SLC2A13: variants seen among roughly 807,000 people sequenced by gnomAD.
SLC2A13 encodes proton myo-inositol cotransporter.
In SLC2A13, 32 loss-of-function variants were observed where a neutral mutation model predicts 64.4. The observed-to-expected ratio is 0.50, with a 90% CI of 0.37 to 0.67. The LOEUF is 0.67. SLC2A13 is among the 30% of genes least tolerant of loss of function. The probability of loss-of-function intolerance (pLI) is 0.00; values close to 1 mark genes in which losing one functional copy is unlikely to be tolerated. For synonymous variants in SLC2A13, 338 were observed against 327.1 expected (o/e 1.03, Z -0.36); for missense variants, 743 against 829.2 (o/e 0.90, Z 1.28).
chr12:40,073,844 T>C (rs1938059582), intron 1 of SLC2A13, among the ~76,000 whole-genome samples: 3 of 152,100 alleles, frequency 2.0e-5, no homozygotes, highest in Non-Finnish European at 4.4e-5. Context: ...AGTTTAAAAA[T>C]GACATGCCTT....
chr12:39,819,576 T>C (rs1455069509), intron 7 of SLC2A13, among the ~76,000 whole-genome samples: 4 of 152,178 alleles, frequency 2.6e-5, no homozygotes, highest in Admixed American at 2.6e-4. Flanking sequence ...TTCTCTCAAA[T>C]GTCCTTGACA....
chr12:40,031,383 T>C (rs919857491), intron 2 of SLC2A13, among the ~76,000 whole-genome samples: 7 of 152,164 alleles, frequency 4.6e-5, no homozygotes, highest in Non-Finnish European at 8.8e-5. Flanking sequence ...CCACCACGCC[T>C]GGCTAATTTT....
chr12:39,804,350 A>G (rs1941899975), intron 7 of SLC2A13, among the ~76,000 whole-genome samples: 1 of 152,230 alleles, frequency 6.6e-6, no homozygotes, highest in Non-Finnish European at 1.5e-5. Flanking sequence ...TAAACACCTG[A>G]TAATATACTT....
intron 4 of SLC2A13, among the ~76,000 whole-genome samples, chr12:39,890,822 T>C (rs936169457): frequency 2.0e-5 from 3 of 152,116 alleles, no homozygotes; most frequent in African/African-American, 7.2e-5. Context: ...TACAATAAAT[T>C]CTATACAGCT....
Position 40,068,007 on chromosome 12 carries a change from C to T in SLC2A13, c.557-19797G>A, listed in dbSNP as rs544820592. Reference sequence around the variant, plus strand: ...CAGCCTCGATTTCCTAGACTCAAGACATACTCCTGCCTCAGCCTCCTGAGT... The same window carrying T: ...CAGCCTCGATTTCCTAGACTCAAGATATACTCCTGCCTCAGCCTCCTGAGT... On this transcript the variant is annotated intron_variant, in intron 1 of 9. Transcript: ENST00000280871. Among the ~76,000 whole-genome samples, 84 of 152,152 alleles carry T rather than the reference C, an allele frequency of 5.5e-4. 1 individual carries two copies. The highest frequency in any genetic ancestry group is 1.9e-3 in the African/African-American group (80 of 41,516).
intron 1 of SLC2A13, among the ~76,000 whole-genome samples, chr12:40,093,113 T>C (rs1000475350): frequency 1.3e-5 from 2 of 152,248 alleles, no homozygotes; most frequent in Admixed American, 6.5e-5. Flanking sequence ...TTTGTTTAGG[T>C]TCCCTAGATA....
In SLC2A13 at chr12:39,850,902, A is replaced by AT. The variant is rs879554208; in HGVS notation, c.1319+13859dup. Reference sequence around the variant, plus strand: ...TGAATATTTAGGCCCCACAAAGTTAATTTTTTTTTTTTTTTGAGATGGAGT... The same window carrying AT: ...TGAATATTTAGGCCCCACAAAGTTAATTTTTTTTTTTTTTTTGAGATGGAGT... On this transcript the variant is annotated intron_variant, in intron 6 of 9. Coordinates refer to ENST00000280871, the MANE Select transcript of SLC2A13 (RefSeq NM_052885.4). 4.8e-3 allele frequency among the ~76,000 whole-genome samples: 690 copies of AT among 144,756 alleles called. 2 individuals carry two copies. Among genetic ancestry groups the AT allele is most frequent in the South Asian group, 8.5e-3 (39 of 4,562 alleles). The allele number at this position is 144,756 out of a possible 152,430, so 95.0% of individuals were successfully genotyped here. A position where few individuals can be genotyped will look rare whatever the true frequency, so the allele number is the denominator to read the frequency against.
chr12:39,909,819 T>A (rs756668664), intron 4 of SLC2A13, among the ~76,000 whole-genome samples: 3 of 151,958 alleles, frequency 2.0e-5, no homozygotes, highest in East Asian at 3.9e-4. Flanking sequence ...GGGAACTCAA[T>A]GAGTTATCCG....
intron 2 of SLC2A13, among the ~76,000 whole-genome samples, chr12:40,046,035 G>A (rs1363335826): frequency 1.3e-5 from 2 of 152,136 alleles, no homozygotes; most frequent in African/African-American, 4.8e-5. Context: ...CAATTCATCA[G>A]AACAGCAACT....
chr12:39,964,338 A>G (rs1946468031), intron 3 of SLC2A13, among the ~76,000 whole-genome samples: 1 of 152,192 alleles, frequency 6.6e-6, no homozygotes, highest in Non-Finnish European at 1.5e-5. Context: ...GATGTTCTAT[A>G]AAAAAGGGTA....
At chr12:39,900,808 T>TA (rs1777289784) in intron 4 of SLC2A13, among the ~76,000 whole-genome samples, 1 of 152,204 alleles carries the variant, frequency 6.6e-6, no homozygotes, top group African/African-American at 2.4e-5. Context: ...AGGCTACCAA[T>TA]GACTTTCTTC....
In SLC2A13 at chr12:39,896,120, A is replaced by G. The variant is rs114474482; in HGVS notation, c.1035-24159T>C. ...CACGTGTATACATATATGAATGCAT[A>G]CATATATGTATACACGTGTACCTAT... On this transcript the variant is annotated intron_variant, in intron 4 of 9. Coordinates refer to ENST00000280871, the MANE Select transcript of SLC2A13 (RefSeq NM_052885.4). Among the ~76,000 whole-genome samples, 465 of 148,312 alleles carry G rather than the reference A, an allele frequency of 3.1e-3. 4 individuals carry two copies. Among genetic ancestry groups the G allele is most frequent in the Non-Finnish European group, 5.3e-3 (354 of 66,834 alleles).
intron 7 of SLC2A13, among the ~76,000 whole-genome samples, chr12:39,828,708 C>G (rs1942760484): frequency 1.2e-5 from 1 of 80,742 alleles, no homozygotes; most frequent in Non-Finnish European, 2.3e-5. Flanking sequence ...CTAGTAGTAA[C>G]TTAGTTTTTT....
intron 1 of SLC2A13, among the ~76,000 whole-genome samples, chr12:40,088,099 T>A (rs920982483): frequency 6.6e-6 from 1 of 152,208 alleles, no homozygotes; most frequent in African/African-American, 2.4e-5. Context: ...CAGGTTTTCT[T>A]CAATAACCTG....
intron 7 of SLC2A13, among the ~76,000 whole-genome samples, chr12:39,825,336 G>C (rs903990188): frequency 6.6e-6 from 1 of 152,158 alleles, no homozygotes; most frequent in Non-Finnish European, 1.5e-5. Flanking sequence ...TCTAATGCCT[G>C]ATTTGTCAAT....
chr12:39,767,975 C>T (rs1346809035), intron 7 of SLC2A13, among the ~76,000 whole-genome samples: 1 of 152,072 alleles, frequency 6.6e-6, no homozygotes, highest in African/African-American at 2.4e-5. Context: ...TATAAACTAC[C>T]CAGTCTCAGG....
At chr12:39,817,727 C>T (rs75852700) in intron 7 of SLC2A13, among the ~76,000 whole-genome samples, 2,283 of 152,252 alleles carry the variant, frequency 0.015, 26 homozygotes, top group Middle Eastern at 0.024. Context: ...CTATAGCCAA[C>T]GTATGCAGAT....
intron 2 of SLC2A13, among the ~76,000 whole-genome samples, chr12:40,043,540 AAC>A (rs1390295253): frequency 1.3e-5 from 2 of 152,120 alleles, no homozygotes; most frequent in Non-Finnish European, 2.9e-5. Flanking sequence ...AAATGAGAAT[AAC>A]ACCAATTCCA....
At chr12:40,003,615 CCT>C (rs1227478399) in intron 3 of SLC2A13, among the ~76,000 whole-genome samples, 1 of 151,656 alleles carries the variant, frequency 6.6e-6, no homozygotes, top group Non-Finnish European at 1.5e-5. Flanking sequence ...TGCCTTAACC[CCT>C]GTTCTATAAA....
Sources: gnomAD v4.1 joint callset for allele counts (sites outside exome capture counted in the v4.1 genomes callset) on GRCh38, gnomAD v4.1.1 for gene constraint, MANE v1.5 for transcripts, NCBI Gene and HGNC (gene_info 2026-07-23, HGNC 2026-07-21) for gene names.